METTL15: variants seen among roughly 807,000 people sequenced by gnomAD.
METTL15 encodes the protein methyltransferase 15, mitochondrial 12S rRNA N4-cytidine.
METTL15 carries 34 observed loss-of-function variants against 38.3 expected under a neutral mutation model. The observed-to-expected ratio is 0.89, with a 90% CI of 0.68 to 1.18. METTL15 has a LOEUF of 1.18. METTL15 is among the 50% of genes most tolerant of loss of function. The pLI, the probability that METTL15 is intolerant of heterozygous loss-of-function variation, is 0.00. For synonymous variants in METTL15, 162 were observed against 170.9 expected (o/e 0.95, Z 0.41); for missense variants, 438 against 498.4 (o/e 0.88, Z 1.15).
At chr11:28,222,552 C>G (rs1853289594) in intron 4 of METTL15, among the ~76,000 whole-genome samples, 2 of 152,164 alleles carry the variant, frequency 1.3e-5, no homozygotes, top group South Asian at 4.1e-4. Context: ...TGTGCTTCAT[C>G]CACTGTCCTG....
intron 6 of METTL15, among the ~76,000 whole-genome samples, chr11:28,509,596 C>T (rs1234055201): frequency 6.6e-6 from 1 of 151,932 alleles, no homozygotes; most frequent in Non-Finnish European, 1.5e-5. Context: ...AGCAGGAGAC[C>T]TTGTTTCTGC....
intron 4 of METTL15, among the ~76,000 whole-genome samples, chr11:28,239,654 C>T (rs1170817747): frequency 6.6e-6 from 1 of 152,158 alleles, no homozygotes; most frequent in Non-Finnish European, 1.5e-5. Context: ...CACCAGCTTC[C>T]CAGCTACCTT....
At chr11:28,286,010 A>T (rs1456563241) in intron 4 of METTL15, among the ~76,000 whole-genome samples, 1 of 152,184 alleles carries the variant, frequency 6.6e-6, no homozygotes, top group East Asian at 1.9e-4. Flanking sequence ...CTATCAGGCT[A>T]CTAGGAGAAA....
At chr11:28,269,725 G>A (rs1565213781) in intron 4 of METTL15, among the ~76,000 whole-genome samples, 2 of 152,158 alleles carry the variant, frequency 1.3e-5, no homozygotes, top group Non-Finnish European at 2.9e-5. Context: ...ATCAGTTAAA[G>A]ACAGGATTTT....
chr11:28,492,803 C>T (rs1851507309), intron 6 of METTL15, among the ~76,000 whole-genome samples: 1 of 152,028 alleles, frequency 6.6e-6, no homozygotes. Context: ...TGTGAGGCAC[C>T]TAGTATGGCG....
At chr11:28,341,674 CTT>C (rs1297601217) in intron 3 of METTL15, among the ~76,000 whole-genome samples, 1 of 152,092 alleles carries the variant, frequency 6.6e-6, no homozygotes, top group East Asian at 1.9e-4. Context: ...AAAGTAGTAT[CTT>C]TTTTGTTTTT....
intron 5 of METTL15, among the ~76,000 whole-genome samples, chr11:28,380,018 A>G (rs1850364093): frequency 6.6e-6 from 1 of 152,144 alleles, no homozygotes; most frequent in African/African-American, 2.4e-5. Flanking sequence ...ATATAAATGT[A>G]GCTATTCCTG....
At chr11:28,217,040 A>C (rs1436367678) in intron 4 of METTL15, among the ~76,000 whole-genome samples, 2 of 152,054 alleles carry the variant, frequency 1.3e-5, no homozygotes, top group East Asian at 3.9e-4. Flanking sequence ...ATGTGTCTTT[A>C]TAGCAGCATG....
chr11:28,458,810 C>T (rs1851191448), intron 6 of METTL15, among the ~76,000 whole-genome samples: 1 of 152,136 alleles, frequency 6.6e-6, no homozygotes, highest in South Asian at 2.1e-4. Context: ...TTTCTTATGC[C>T]ACTGTAGTTG....
intron 5 of METTL15, among the ~76,000 whole-genome samples, chr11:28,413,026 T>G (rs1850742289): frequency 6.6e-6 from 1 of 152,046 alleles, no homozygotes; most frequent in South Asian, 2.1e-4. Flanking sequence ...TCCCATAATA[T>G]CATTTGTAAA....
At chr11:28,493,574 T>C (rs543839697) in intron 6 of METTL15, among the ~76,000 whole-genome samples, 3 of 152,304 alleles carry the variant, frequency 2.0e-5, no homozygotes, top group South Asian at 2.1e-4. Flanking sequence ...GAGGATCCCA[T>C]GTTAGTACAG....
chr11:28,425,629 A>G (rs11030329), intron 6 of METTL15, among the ~76,000 whole-genome samples: 64,275 of 152,042 alleles, frequency 0.42, 14,993 homozygotes, highest in Admixed American at 0.54. Context: ...TGGTTCCCGT[A>G]CTAAGTGCTC....
At chr11:28,176,599 A>G (rs1023998216) in intron 3 of METTL15, among the ~76,000 whole-genome samples, 38 of 151,962 alleles carry the variant, frequency 2.5e-4, no homozygotes, top group African/African-American at 9.2e-4. Flanking sequence ...ATTACCATTC[A>G]CTCCTTTACA....
At chr11:28,174,894 T>C (rs1384204255) in intron 3 of METTL15, among the ~76,000 whole-genome samples, 1 of 151,598 alleles carries the variant, frequency 6.6e-6, no homozygotes, top group African/African-American at 2.4e-5. Context: ...TTTCTATGTA[T>C]TGAAGATTTT....
At chr11:28,268,737 T>G (rs1179129456) in intron 4 of METTL15, among the ~76,000 whole-genome samples, 1 of 152,206 alleles carries the variant, frequency 6.6e-6, no homozygotes, top group Non-Finnish European at 1.5e-5. Context: ...CATAAACCAT[T>G]TTTTGCATTC....
At chr11:28,396,272 C>T (rs367768625) in intron 5 of METTL15, among the ~76,000 whole-genome samples, 2 of 151,972 alleles carry the variant, frequency 1.3e-5, no homozygotes, top group African/African-American at 2.4e-5. Flanking sequence ...AGAAATAAAG[C>T]GTATTCAATT....
rs185633495 is a variant in METTL15, at chr11:28,221,079, C to T, written c.407+9881C>T. 5.3e-5 allele frequency among the ~76,000 whole-genome samples: 8 copies of T among 152,178 alleles called. No individual in the cohort carries two copies. In the East Asian group the frequency reaches 1.2e-3, roughly 22 times the overall value. ...TCGTGGAGTATCTTTGTGGTGTTCT[C>T]TGTGTTTCCTGCATTTGAATGTTGG... On this transcript the variant is annotated intron_variant, in intron 4 of 6. Coordinates refer to ENST00000407364, the MANE Select transcript of METTL15 (RefSeq NM_001113528.2).
intron 3 of METTL15, among the ~76,000 whole-genome samples, chr11:28,133,747 T>G (rs1293268661): frequency 6.6e-6 from 1 of 152,166 alleles, no homozygotes; most frequent in Non-Finnish European, 1.5e-5. Context: ...TGAGCAGTCT[T>G]GGGAATATAT....
At chr11:28,156,030 G>T (rs1469049988) in intron 3 of METTL15, among the ~76,000 whole-genome samples, 2 of 152,148 alleles carry the variant, frequency 1.3e-5, no homozygotes, top group African/African-American at 2.4e-5. Flanking sequence ...GTTGAAGACT[G>T]AATAAATGTA....
Sources: allele counts gnomAD v4.1 joint callset (sites outside exome capture counted in the v4.1 genomes callset), GRCh38; gene constraint gnomAD v4.1.1; transcripts MANE v1.5; gene names NCBI Gene and HGNC (gene_info 2026-07-23, HGNC 2026-07-21).